Variants in PLCB1 observed in about 807,000 individuals in gnomAD.
The protein encoded by PLCB1 is phospholipase C beta 1.
A neutral mutation model predicts 161.8 loss-of-function variants in PLCB1; 46 were observed. The observed-to-expected ratio is 0.28, with a 90% CI of 0.22 to 0.36. The LOEUF is 0.36. Ranked by LOEUF, PLCB1 falls within the 10% of genes least tolerant of loss-of-function variation. PLCB1 has a pLI of 1.00. For missense variants in PLCB1, 1,016 were observed against 1,472.5 expected, an observed-to-expected ratio of 0.69 and a Z score of 5.07; for synonymous variants, 517 against 503.7, an observed-to-expected ratio of 1.03 and a Z score of -0.35.
At position 8,819,054 on chromosome 20, in the gene PLCB1, A is replaced by G. The variant is rs549823933; in HGVS notation, c.3423+28793A>G. On this transcript the variant is annotated intron_variant, in intron 31 of 31. Transcript: ENST00000338037. ...GCTGATTCCAAAATTTTTATGGTAA[A>G]GCAATGGCCCAGGAATTACCAAGAT... Among the ~76,000 whole-genome samples the G allele has an allele frequency of 7.2e-5, 11 of 152,356 alleles. No individual in the cohort carries two copies. In the South Asian group the frequency reaches 1.9e-3, roughly 26 times the overall value.
At chr20:8,621,613 T>C (rs1988187196) in intron 3 of PLCB1, among the ~76,000 whole-genome samples, 1 of 152,238 alleles carries the variant, frequency 6.6e-6, no homozygotes, top group African/African-American at 2.4e-5. Context: ...TTTATATTTT[T>C]AACAAACTGC....
intron 2 of PLCB1, among the ~76,000 whole-genome samples, chr20:8,191,124 T>C (rs775816887): frequency 6.6e-6 from 1 of 152,016 alleles, no homozygotes; most frequent in African/African-American, 2.4e-5. Flanking sequence ...TGACATAATT[T>C]CTTATTTTTT....
intron 3 of PLCB1, among the ~76,000 whole-genome samples, chr20:8,474,369 C>T (rs141208098): frequency 2.6e-5 from 4 of 152,190 alleles, no homozygotes; most frequent in Non-Finnish European, 5.9e-5. Context: ...GACATTTGAG[C>T]AGAGGCTGAA....
At chr20:8,395,638 A>G (rs1331802153) in intron 3 of PLCB1, among the ~76,000 whole-genome samples, 1 of 152,018 alleles carries the variant, frequency 6.6e-6, no homozygotes, top group Non-Finnish European at 1.5e-5. Context: ...TTGAGAAAGT[A>G]TGTTAAAGAA....
chr20:8,801,324 C>G (rs1055096031), intron 31 of PLCB1, among the ~76,000 whole-genome samples: 1 of 152,146 alleles, frequency 6.6e-6, no homozygotes, highest in Admixed American at 6.5e-5. Context: ...TACAACCCCC[C>G]TCCACCACTC....
chr20:8,266,980 T>C (rs1981990043), intron 2 of PLCB1, among the ~76,000 whole-genome samples: 1 of 149,006 alleles, frequency 6.7e-6, no homozygotes. Flanking sequence ...GAGGGTGCAA[T>C]GAGCCTAGAT....
chr20:8,721,944 ATAG>A (rs1979657847), intron 14 of PLCB1, among the ~76,000 whole-genome samples: 1 of 1,166 alleles, frequency 8.6e-4, no homozygotes, highest in East Asian at 0.25. Context: ...TGAAGGAGGG[ATAG>A]ATAGTATATC....
chr20:8,200,504 T>G (rs1030979656), intron 2 of PLCB1, among the ~76,000 whole-genome samples: 1 of 152,066 alleles, frequency 6.6e-6, no homozygotes, highest in Non-Finnish European at 1.5e-5. Flanking sequence ...CAAAATTTTA[T>G]TATTACAGAG....
chr20:8,844,423 A>G (rs1461384342), intron 31 of PLCB1, among the ~76,000 whole-genome samples: 1 of 152,228 alleles, frequency 6.6e-6, no homozygotes, highest in African/African-American at 2.4e-5. Context: ...CAAGCCCTTG[A>G]ACGTGTGGGA....
intron 24 of PLCB1, among the ~76,000 whole-genome samples, chr20:8,760,059 C>T (rs1157494237): frequency 1.3e-5 from 2 of 151,912 alleles, no homozygotes; most frequent in African/African-American, 4.8e-5. Flanking sequence ...GTACCCGCCA[C>T]CATGCTCCGC....
chr20:8,707,606 T>C (rs1978758677), intron 11 of PLCB1, among the ~76,000 whole-genome samples: 1 of 152,214 alleles, frequency 6.6e-6, no homozygotes, highest in Non-Finnish European at 1.5e-5. Context: ...TGAGGGACTG[T>C]AAGAGTATTC....
intron 26 of PLCB1, among the ~76,000 whole-genome samples, chr20:8,774,175 A>G (rs1459211071): frequency 2.0e-5 from 3 of 152,220 alleles, no homozygotes; most frequent in Non-Finnish European, 4.4e-5. Context: ...TGGGAATGCC[A>G]TTACACTTGT....
chr20:8,768,926 G>A (rs1174102483), intron 26 of PLCB1, among the ~76,000 whole-genome samples: 1 of 152,174 alleles, frequency 6.6e-6, no homozygotes, highest in Non-Finnish European at 1.5e-5. Context: ...TCTAAATTTA[G>A]ATTCCTGAAA....
intron 27 of PLCB1, among the ~76,000 whole-genome samples, chr20:8,781,403 CACACACACACACAA>C (rs879702215): frequency 0.041 from 3,431 of 83,992 alleles, 41 homozygotes; most frequent in Non-Finnish European, 0.045. Flanking sequence ...CACAAACACA[CACACACACACACAA>C]ACACACACAC....
chr20:8,853,120 T>C (rs1490561716), intron 31 of PLCB1, among the ~76,000 whole-genome samples: 1 of 152,150 alleles, frequency 6.6e-6, no homozygotes, highest in East Asian at 1.9e-4. Context: ...TATCACAAAA[T>C]TTAAAAAAAG....
intron 4 of PLCB1, among the ~76,000 whole-genome samples, chr20:8,637,193 A>G (rs1254366519): frequency 1.3e-5 from 2 of 152,192 alleles, no homozygotes; most frequent in Admixed American, 1.3e-4. Flanking sequence ...TTCACCTACT[A>G]CCTTGATATT....
intron 3 of PLCB1, among the ~76,000 whole-genome samples, chr20:8,564,103 A>G (rs941128833): frequency 2.6e-5 from 4 of 152,212 alleles, no homozygotes; most frequent in African/African-American, 9.6e-5. Context: ...CTATACTACA[A>G]GGCTACAGTA....
At chr20:8,526,031 G>T (rs555832195) in intron 3 of PLCB1, among the ~76,000 whole-genome samples, 2 of 152,170 alleles carry the variant, frequency 1.3e-5, no homozygotes, top group African/African-American at 4.8e-5. Flanking sequence ...ATAGTAACCA[G>T]GATAGGGCAT....
intron 22 of PLCB1, among the ~76,000 whole-genome samples, 188 bp from the exon 23 acceptor site, chr20:8,741,276 G>A (rs946980082): frequency 3.9e-5 from 6 of 152,190 alleles, no homozygotes; most frequent in Admixed American, 6.5e-5. Flanking sequence ...GGAGTAGATA[G>A]TTATATGGGT....
Sources: gnomAD v4.1 joint callset for allele counts (sites outside exome capture counted in the v4.1 genomes callset) on GRCh38, gnomAD v4.1.1 for gene constraint, MANE v1.5 for transcripts, NCBI Gene and HGNC (gene_info 2026-07-23, HGNC 2026-07-21) for gene names.